FBXW7: variants seen among roughly 807,000 people sequenced by gnomAD.
FBXW7 encodes F-box/WD repeat-containing protein 7.
A neutral mutation model predicts 86.3 loss-of-function variants in FBXW7; 11 were observed. The observed-to-expected ratio is 0.13, with a 90% confidence interval of 0.08 to 0.21. FBXW7 has a LOEUF of 0.21. FBXW7 is among the 10% of genes least tolerant of loss of function. The pLI is 1.00. For synonymous variants in FBXW7, 313 were observed against 297.9 expected, an observed-to-expected ratio of 1.05 and a Z score of -0.52; for missense variants, 488 against 847.4, an observed-to-expected ratio of 0.58 and a Z score of 5.27.
chr4:152,445,796 G>A (rs1214134204), intron 2 of FBXW7, among the ~76,000 whole-genome samples: 1 of 151,688 alleles, frequency 6.6e-6, no homozygotes, highest in Non-Finnish European at 1.5e-5. Context: ...TGTAATCCCA[G>A]CTACTTGGGA....
chr4:152,421,561 A>G (rs1421981021), intron 2 of FBXW7, among the ~76,000 whole-genome samples: 16 of 152,182 alleles, frequency 1.1e-4, no homozygotes, highest in Admixed American at 1.0e-3. Context: ...AAAGTGAAAA[A>G]AAGAAAGGAA....
intron 4 of FBXW7, among the ~76,000 whole-genome samples, chr4:152,384,727 GTAAA>G (rs1412170632): frequency 6.6e-6 from 1 of 151,872 alleles, no homozygotes; most frequent in Non-Finnish European, 1.5e-5. Context: ...AAACAAAAAA[GTAAA>G]TGATTGAAAA....
intron 4 of FBXW7, among the ~76,000 whole-genome samples, chr4:152,396,385 A>G (rs1195841216): frequency 6.6e-6 from 1 of 151,706 alleles, no homozygotes; most frequent in Non-Finnish European, 1.5e-5. Context: ...TCCTTCCCCA[A>G]CCCCTCCCTA....
At chr4:152,531,220 A>G (rs1212732483) in intron 2 of FBXW7, among the ~76,000 whole-genome samples, 3 of 152,244 alleles carry the variant, frequency 2.0e-5, no homozygotes, top group African/African-American at 7.2e-5. Context: ...TCATCTGAAC[A>G]TGGCTTCGAC....
chr4:152,422,544 T>C (rs78490755), intron 2 of FBXW7, among the ~76,000 whole-genome samples: 2,085 of 152,342 alleles, frequency 0.014, 26 homozygotes, highest in Middle Eastern at 0.037. Flanking sequence ...AGACTATTAC[T>C]GATGAAGCTC....
chr4:152,323,673 C>T (rs916897806), intron 13 of FBXW7: 43 of 168,390 alleles, frequency 2.6e-4, no homozygotes, highest in Admixed American at 1.1e-4. Flanking sequence ...TCATGAGGCA[C>T]TGCTGTACCT....
At position 152,347,407 on chromosome 4, in the gene FBXW7, C is replaced by T. The variant is rs554314442; in HGVS notation, c.585-336G>A. On this transcript the variant is annotated intron_variant, in intron 5 of 13. Coordinates refer to ENST00000281708, the MANE Select transcript of FBXW7 (RefSeq NM_001349798.2). ...TCCTTAGAACATACAAGTCCCACTT[C>T]TCCTATGACTGGTCTTTGGTGACAT... Among the ~76,000 whole-genome samples the T allele has an allele frequency of 3.9e-5, 6 of 152,252 alleles. No individual in the cohort carries two copies. The South Asian group carries it at 1.2e-3, about 32-fold the overall frequency.
intron 4 of FBXW7, among the ~76,000 whole-genome samples, chr4:152,410,426 G>A (rs1319277858): frequency 1.3e-5 from 2 of 152,110 alleles, no homozygotes; most frequent in Non-Finnish European, 2.9e-5. Flanking sequence ...TGGTACAATG[G>A]ATGAAAAATC....
chr4:152,337,756 T>C, intron 7 of FBXW7, 46 bp downstream of exon 7: 1 of 1,561,788 alleles, frequency 6.4e-7, no homozygotes, highest in Non-Finnish European at 8.7e-7. Flanking sequence ...TGTTGAGTTA[T>C]ATATTCAAAT....
chr4:152,330,999 A>G, intron 8 of FBXW7, 131 bp from the exon 9 acceptor site: 1 of 819,494 alleles, frequency 1.2e-6, no homozygotes, highest in Non-Finnish European at 1.8e-6. Flanking sequence ...AGACATTGTC[A>G]AATTTCCAAT....
At chr4:152,324,046 G>A (rs1350604154) in intron 13 of FBXW7, 138 bp downstream of exon 13, 8 of 635,278 alleles carry the variant, frequency 1.3e-5, no homozygotes, top group African/African-American at 3.7e-5. Context: ...CTGTAAGTCA[G>A]GGTGAAAATA....
At chr4:152,428,447 C>T (rs1412173659) in intron 2 of FBXW7, among the ~76,000 whole-genome samples, 1 of 152,104 alleles carries the variant, frequency 6.6e-6, no homozygotes, top group Non-Finnish European at 1.5e-5. Context: ...CACCTGGAGC[C>T]AAGAATGGTT....
rs184663061 is a variant in FBXW7 at position 152,338,284 on chromosome 4, T to C, written c.727-348A>G. On this transcript the variant is annotated intron_variant, in intron 6 of 13. Transcript: ENST00000281708. ...TCATTTTGGGTTACTGAGTAAATAA[T>C]AGAAAATTTTGACAATTTCTCTACA... Among the ~76,000 whole-genome samples the C allele has an allele frequency of 1.2e-4, 18 of 152,148 alleles. No individual in the cohort carries two copies. In the East Asian group the frequency reaches 3.1e-3, roughly 26 times the overall value.
chr4:152,483,676 C>A (rs1352480005), intron 2 of FBXW7, among the ~76,000 whole-genome samples: 1 of 151,854 alleles, frequency 6.6e-6, no homozygotes, highest in Admixed American at 6.6e-5. Context: ...CCAGCCTGGG[C>A]AACAAAGTGA....
At chr4:152,370,845 TC>T (rs1733946448) in intron 4 of FBXW7, among the ~76,000 whole-genome samples, 1 of 151,020 alleles carries the variant, frequency 6.6e-6, no homozygotes, top group African/African-American at 2.4e-5. Context: ...ACTCACTGCT[TC>T]CCCCATTCCT....
intron 2 of FBXW7, among the ~76,000 whole-genome samples, chr4:152,416,203 C>T (rs945108604): frequency 1.3e-5 from 2 of 152,086 alleles, no homozygotes; most frequent in African/African-American, 4.8e-5. Flanking sequence ...ATTATCAGAT[C>T]TTTTTAAAGA....
chr4:152,325,062 T>C (rs1728890360), intron 12 of FBXW7: 1 of 152,188 alleles, frequency 6.6e-6, no homozygotes, highest in Non-Finnish European at 1.5e-5. Context: ...TTCTAAACAA[T>C]AATGTGGCTA....
intron 2 of FBXW7, among the ~76,000 whole-genome samples, chr4:152,443,376 G>A (rs760092711): frequency 5.9e-5 from 9 of 152,032 alleles, no homozygotes; most frequent in Non-Finnish European, 1.0e-4. Context: ...AAAATTAAAC[G>A]ATTAAAGTGT....
At chr4:152,369,684 A>G (rs1456008100) in intron 4 of FBXW7, among the ~76,000 whole-genome samples, 2 of 152,200 alleles carry the variant, frequency 1.3e-5, no homozygotes, top group East Asian at 3.9e-4. Context: ...AAAAATTAAG[A>G]CTGTAAAAAT....
Sources: allele counts gnomAD v4.1 joint callset (sites outside exome capture counted in the v4.1 genomes callset), GRCh38; gene constraint gnomAD v4.1.1; transcripts MANE v1.5; gene names NCBI Gene and HGNC (gene_info 2026-07-23, HGNC 2026-07-21).